Variants in GALNTL6 observed in about 807,000 individuals in gnomAD.
GALNTL6 encodes polypeptide N-acetylgalactosaminyltransferase like 6.
A neutral mutation model predicts 73.7 loss-of-function variants in GALNTL6; 46 were observed. The ratio of observed to expected loss-of-function variants is 0.62; its 90% CI spans 0.49 to 0.80. The LOEUF (loss-of-function observed/expected upper bound fraction) is 0.80, where lower values mean the gene tolerates loss of function less well. Among genes scored for constraint, GALNTL6 ranks in the 30% least tolerant of loss-of-function variants. The probability of loss-of-function intolerance (pLI) is 0.00; values close to 1 mark genes in which losing one functional copy is unlikely to be tolerated. For missense variants in GALNTL6, 604 were observed against 755.0 expected, an observed-to-expected ratio of 0.80 and a Z score of 2.34; for synonymous variants, 259 against 263.7, an observed-to-expected ratio of 0.98 and a Z score of 0.17.
chr4:172,559,391 T>G (rs2110921126), intron 5 of GALNTL6, among the ~76,000 whole-genome samples: 1 of 152,244 alleles, frequency 6.6e-6, no homozygotes, highest in Non-Finnish European at 1.5e-5. Context: ...TCATAGAATT[T>G]TATGGATGCC....
rs186970947 is a variant in GALNTL6 at position 172,802,736 on chromosome 4, G to A, written c.554-6625G>A. Among the ~76,000 whole-genome samples, 124 of 152,294 alleles carry A rather than the reference G, an allele frequency of 8.1e-4. No homozygotes were observed. The South Asian group carries it at 0.017, about 21-fold the overall frequency. On this transcript the variant is annotated intron_variant, in intron 5 of 12. Transcript: ENST00000506823. The stretch of plus-strand genomic sequence containing the variant: ...GAGAATCGCTTGAACCTGGGAGGTG[G>A]AGGCTGCAGTGAGCTGAGATCACAC...
chr4:172,401,744 G>A (rs995746021), intron 5 of GALNTL6, among the ~76,000 whole-genome samples: 10 of 152,034 alleles, frequency 6.6e-5, no homozygotes, highest in African/African-American at 2.4e-4. Context: ...AAATTATACT[G>A]TAGATATGAA....
chr4:172,883,074 T>C (rs1745543720), intron 8 of GALNTL6, among the ~76,000 whole-genome samples, 167 bp downstream of exon 8: 1 of 152,172 alleles, frequency 6.6e-6, no homozygotes, highest in African/African-American at 2.4e-5. Context: ...GTTTTTGTTT[T>C]TATTTTTTCT....
intron 4 of GALNTL6, among the ~76,000 whole-genome samples, chr4:172,329,633 A>G (rs957298464): frequency 2.0e-5 from 3 of 152,182 alleles, no homozygotes; most frequent in African/African-American, 7.2e-5. Flanking sequence ...ACCTGTGTGA[A>G]AAAGCAGTCT....
chr4:171,818,186 A>G (rs561717447), intron 2 of GALNTL6, among the ~76,000 whole-genome samples: 1 of 151,798 alleles, frequency 6.6e-6, no homozygotes, highest in Non-Finnish European at 1.5e-5. Flanking sequence ...TACCACTTAC[A>G]TATTTAGGTC....
At chr4:172,066,494 C>T (rs1249812986) in intron 2 of GALNTL6, among the ~76,000 whole-genome samples, 1 of 139,926 alleles carries the variant, frequency 7.1e-6, no homozygotes, top group African/African-American at 2.5e-5. Flanking sequence ...TATAGTGTAG[C>T]TTATATCTTT....
intron 5 of GALNTL6, among the ~76,000 whole-genome samples, chr4:172,619,743 T>C (rs1270165226): frequency 1.3e-5 from 2 of 152,212 alleles, no homozygotes; most frequent in African/African-American, 4.8e-5. Flanking sequence ...AATTGAAGTT[T>C]TGAGATTTAA....
intron 5 of GALNTL6, among the ~76,000 whole-genome samples, chr4:172,733,428 C>T (rs961722498): frequency 1.1e-4 from 17 of 151,986 alleles, no homozygotes; most frequent in South Asian, 6.2e-4. Flanking sequence ...GTGTCCCTGC[C>T]GAAATCTCGT....
At chr4:171,982,144 A>C (rs1739915117) in intron 2 of GALNTL6, among the ~76,000 whole-genome samples, 1 of 152,152 alleles carries the variant, frequency 6.6e-6, no homozygotes, top group Non-Finnish European at 1.5e-5. Context: ...TAATATCCTG[A>C]CATTAAGAAT....
intron 5 of GALNTL6, among the ~76,000 whole-genome samples, chr4:172,404,606 T>TA (rs963737747): frequency 6.6e-6 from 1 of 152,082 alleles, no homozygotes; most frequent in Non-Finnish European, 1.5e-5. Context: ...TCTTTAATTA[T>TA]AAAAAGTGTG....
At chr4:172,205,558 A>T (rs1002454205) in intron 2 of GALNTL6, among the ~76,000 whole-genome samples, 1 of 152,236 alleles carries the variant, frequency 6.6e-6, no homozygotes, top group East Asian at 1.9e-4. Flanking sequence ...GTCAAAGGAC[A>T]GTTCTGACAA....
chr4:172,017,522 A>C (rs1263144719), intron 2 of GALNTL6, among the ~76,000 whole-genome samples: 4 of 151,994 alleles, frequency 2.6e-5, no homozygotes, highest in Non-Finnish European at 5.9e-5. Flanking sequence ...GGGGAGAACA[A>C]GGTCCCCTTC....
intron 7 of GALNTL6, among the ~76,000 whole-genome samples, chr4:172,820,960 AC>A (rs1413854546): frequency 6.6e-6 from 1 of 152,220 alleles, no homozygotes. Context: ...AGGAGAGTTA[AC>A]TAGGTCTTCA....
At chr4:172,667,215 C>G (rs1731718417) in intron 5 of GALNTL6, 1 of 152,232 alleles carries the variant, frequency 6.6e-6, no homozygotes, top group Admixed American at 6.5e-5. Context: ...CAGCTACTCA[C>G]TGAAACTATT....
At chr4:172,424,771 C>T (rs1731168671) in intron 5 of GALNTL6, among the ~76,000 whole-genome samples, 1 of 152,036 alleles carries the variant, frequency 6.6e-6, no homozygotes, top group Non-Finnish European at 1.5e-5. Context: ...GCTCTTATTC[C>T]ATTGGCTAGA....
chr4:172,730,673 G>A (rs1278843854), intron 5 of GALNTL6, among the ~76,000 whole-genome samples: 2 of 152,048 alleles, frequency 1.3e-5, no homozygotes, highest in East Asian at 3.9e-4. Context: ...AGCGATATTG[G>A]CCTGTAGTTT....
intron 2 of GALNTL6, among the ~76,000 whole-genome samples, chr4:171,836,531 T>C (rs1447481272): frequency 1.3e-5 from 2 of 152,162 alleles, no homozygotes; most frequent in African/African-American, 4.8e-5. Context: ...GTCCTTGTCA[T>C]GTACCACACA....
chr4:172,561,470 C>G (rs898368306), intron 5 of GALNTL6, among the ~76,000 whole-genome samples: 1 of 151,982 alleles, frequency 6.6e-6, no homozygotes, highest in Non-Finnish European at 1.5e-5. Context: ...ACCAACATTT[C>G]TTAGGCAATA....
intron 8 of GALNTL6, among the ~76,000 whole-genome samples, chr4:172,919,183 C>T (rs1182470665): frequency 1.3e-5 from 2 of 152,048 alleles, no homozygotes; most frequent in Non-Finnish European, 2.9e-5. Context: ...AAACCCACCT[C>T]ATTTTAACTT....
Sources: gnomAD v4.1 joint callset for allele counts (sites outside exome capture counted in the v4.1 genomes callset) on GRCh38, gnomAD v4.1.1 for gene constraint, MANE v1.5 for transcripts, NCBI Gene and HGNC (gene_info 2026-07-23, HGNC 2026-07-21) for gene names.